The following NRXN3 variants were observed in gnomAD, a reference collection of about 807,000 sequenced individuals.
NRXN3 encodes neurexin 3.
Under a neutral mutation model 137.6 loss-of-function variants are expected in NRXN3, and 32 were observed. The observed-to-expected ratio is 0.23, with a 90% CI of 0.18 to 0.31. NRXN3 has a LOEUF of 0.31. Among genes scored for constraint, NRXN3 ranks in the 10% least tolerant of loss-of-function variants. The pLI, the probability that NRXN3 is intolerant of heterozygous loss-of-function variation, is 1.00. For synonymous variants in NRXN3, 798 were observed against 784.5 expected, an observed-to-expected ratio of 1.02 and a Z score of -0.29; for missense variants, 1,574 against 2,062.5, an observed-to-expected ratio of 0.76 and a Z score of 4.59.
intron 4 of NRXN3, among the ~76,000 whole-genome samples, chr14:78,487,752 T>C (rs1418393088): frequency 2.0e-5 from 2 of 98,672 alleles, no homozygotes; most frequent in African/African-American, 5.2e-5. Flanking sequence ...CATAAATAAA[T>C]AAATAAATAA....
intron 16 of NRXN3, among the ~76,000 whole-genome samples, chr14:79,522,276 A>G (rs1461223254): frequency 6.6e-6 from 1 of 152,160 alleles, no homozygotes; most frequent in Non-Finnish European, 1.5e-5. Flanking sequence ...TTCCAGGACA[A>G]TAATCTAAAC....
At chr14:79,835,211 T>C (rs2099336360) in intron 20 of NRXN3, among the ~76,000 whole-genome samples, 1 of 152,158 alleles carries the variant, frequency 6.6e-6, no homozygotes, top group Non-Finnish European at 1.5e-5. Flanking sequence ...TACAATGAGG[T>C]AATGCCGGTA....
At chr14:79,435,978 G>A (rs1278131052) in intron 15 of NRXN3, among the ~76,000 whole-genome samples, 2 of 152,080 alleles carry the variant, frequency 1.3e-5, no homozygotes, top group Non-Finnish European at 1.5e-5. Flanking sequence ...TTGATAAAAA[G>A]GGAGAGAGGC....
intron 15 of NRXN3, among the ~76,000 whole-genome samples, chr14:79,466,600 A>T (rs538405314): frequency 6.6e-6 from 1 of 151,576 alleles, no homozygotes; most frequent in African/African-American, 2.4e-5. Context: ...AAAGAAAAAA[A>T]AACTCCTAGA....
At chr14:79,387,287 G>A (rs1276159487) in intron 15 of NRXN3, among the ~76,000 whole-genome samples, 13 of 151,484 alleles carry the variant, frequency 8.6e-5, no homozygotes, top group Admixed American at 7.3e-4. Context: ...CAAAAAGTGG[G>A]CAAAGGATAT....
intron 10 of NRXN3, among the ~76,000 whole-genome samples, chr14:78,887,639 A>G (rs1284933485): frequency 6.6e-6 from 1 of 152,074 alleles, no homozygotes. Context: ...GATTAGGTCC[A>G]TAAGTTTTAT....
At chr14:78,193,926 C>T (rs1267529028) in intron 1 of NRXN3, among the ~76,000 whole-genome samples, 1 of 152,158 alleles carries the variant, frequency 6.6e-6, no homozygotes, top group South Asian at 2.1e-4. Context: ...GTACCTCACC[C>T]ACCTGTCCTG....
chr14:79,040,395 G>A (rs140421501), intron 15 of NRXN3, among the ~76,000 whole-genome samples: 1 of 152,328 alleles, frequency 6.6e-6, no homozygotes, highest in African/African-American at 2.4e-5. Context: ...TAACCAAAAT[G>A]TTGTGGCTAC....
At chr14:78,523,583 G>A (rs2032746) in intron 4 of NRXN3, among the ~76,000 whole-genome samples, 100,119 of 146,772 alleles carry the variant, frequency 0.68, 34,383 homozygotes, top group East Asian at 0.71. Flanking sequence ...GCGGATCACG[G>A]GGTCAGGAGA....
chr14:78,762,588 A>G (rs1044871631), intron 8 of NRXN3, among the ~76,000 whole-genome samples: 1 of 152,186 alleles, frequency 6.6e-6, no homozygotes, highest in Non-Finnish European at 1.5e-5. Context: ...GAGAAGGGTA[A>G]GACAGTCTCC....
At chr14:79,689,780 A>G (rs2098709425) in intron 17 of NRXN3, among the ~76,000 whole-genome samples, 1 of 152,038 alleles carries the variant, frequency 6.6e-6, no homozygotes, top group African/African-American at 2.4e-5. Flanking sequence ...TTACGTTTGA[A>G]AGAGAGTAGA....
intron 16 of NRXN3, among the ~76,000 whole-genome samples, chr14:79,650,364 G>T (rs918371786): frequency 1.3e-5 from 2 of 152,078 alleles, no homozygotes; most frequent in African/African-American, 2.4e-5. Context: ...AGGAAACCAT[G>T]TGCTTCTTTC....
At chr14:79,834,078 A>G (rs960139867) in intron 20 of NRXN3, among the ~76,000 whole-genome samples, 9 of 152,154 alleles carry the variant, frequency 5.9e-5, no homozygotes, top group Admixed American at 3.3e-4. Flanking sequence ...GTTTGTTATT[A>G]AAGTCCCATT....
At chr14:79,316,818 C>G (rs2088858924) in intron 15 of NRXN3, among the ~76,000 whole-genome samples, 1 of 150,518 alleles carries the variant, frequency 6.6e-6, no homozygotes, top group Non-Finnish European at 1.5e-5. Flanking sequence ...AGAAGTTTTC[C>G]TATATTAGGA....
intron 15 of NRXN3, among the ~76,000 whole-genome samples, chr14:79,306,662 C>G (rs1365475102): frequency 6.6e-6 from 1 of 152,066 alleles, no homozygotes; most frequent in African/African-American, 2.4e-5. Flanking sequence ...TCTGAGGTCT[C>G]CAAGATGCTA....
chr14:79,171,065 A>G (rs2061729855), intron 15 of NRXN3, among the ~76,000 whole-genome samples: 1 of 152,122 alleles, frequency 6.6e-6, no homozygotes, highest in African/African-American at 2.4e-5. Context: ...GGGCCCAATT[A>G]GTAGGAACAA....
chr14:79,155,386 T>C (rs1347256350), intron 15 of NRXN3, among the ~76,000 whole-genome samples: 1 of 151,900 alleles, frequency 6.6e-6, no homozygotes, highest in Non-Finnish European at 1.5e-5. Context: ...AGATGAGTCA[T>C]GAAAAAGGTA....
At chr14:79,702,322 A>C (rs1000270386) in intron 19 of NRXN3, among the ~76,000 whole-genome samples, 2 of 152,018 alleles carry the variant, frequency 1.3e-5, no homozygotes, top group African/African-American at 4.8e-5. Context: ...TGGAATTTAC[A>C]ATCTAAATAG....
At chr14:79,609,346 CGGAT>C in intron 16 of NRXN3, among the ~76,000 whole-genome samples, 1 of 152,236 alleles carries the variant, frequency 6.6e-6, no homozygotes, top group South Asian at 2.1e-4. Context: ...AGAGAAAACC[CGGAT>C]ACAGGGCATG....
Sources: gnomAD v4.1 joint callset for allele counts (sites outside exome capture counted in the v4.1 genomes callset) on GRCh38, gnomAD v4.1.1 for gene constraint, MANE v1.5 for transcripts, NCBI Gene and HGNC (gene_info 2026-07-23, HGNC 2026-07-21) for gene names.